The following ZNF407 variants were observed in gnomAD, a reference collection of about 807,000 sequenced individuals.
ZNF407 encodes the protein zinc finger protein 407.
In ZNF407, 17 loss-of-function variants were observed where a neutral mutation model predicts 131.2. The observed-to-expected ratio is 0.13, with a 90% CI of 0.09 to 0.19. The LOEUF is 0.19. ZNF407 is among the 10% of genes least tolerant of loss of function. The pLI is 1.00. For synonymous variants in ZNF407, 1,156 were observed against 1,062.0 expected, an observed-to-expected ratio of 1.09 and a Z score of -1.72; for missense variants, 2,681 against 2,830.6, an observed-to-expected ratio of 0.95 and a Z score of 1.20.
intron 4 of ZNF407, among the ~76,000 whole-genome samples, chr18:74,806,191 T>C (rs1001200662): frequency 1.3e-5 from 2 of 152,250 alleles, no homozygotes; most frequent in Admixed American, 6.5e-5. Context: ...CTGCTGTGAC[T>C]GCAGGCCCAC....
At chr18:74,891,544 T>A (rs1180642778) in intron 7 of ZNF407, among the ~76,000 whole-genome samples, 2 of 152,234 alleles carry the variant, frequency 1.3e-5, no homozygotes, top group Admixed American at 1.3e-4. Flanking sequence ...ATTACAGATA[T>A]ATTTCATTCA....
chr18:75,014,239 A>ACTTT (rs1219023879), intron 8 of ZNF407, among the ~76,000 whole-genome samples: 1 of 152,134 alleles, frequency 6.6e-6, no homozygotes, highest in East Asian at 1.9e-4. Flanking sequence ...AGAAATTAAA[A>ACTTT]CTTTCATGTA....
chr18:74,919,581 G>A (rs1971818790), intron 7 of ZNF407, among the ~76,000 whole-genome samples: 1 of 152,184 alleles, frequency 6.6e-6, no homozygotes, highest in Admixed American at 6.5e-5. Context: ...TCTGTAGGAA[G>A]TCTGAGGCCA....
Position 75,064,349 on chromosome 18 carries a change from G to A in ZNF407, c.6628G>A (p.Ala2210Thr). The change falls in exon 9 of 9, where the codon GCC becomes ACC. Residue 2210 changes from alanine (A) to threonine (T), a missense_variant. This residue lies in a region of ZNF407 where 620 missense variants were observed against 583.1 expected (regional missense o/e 1.06). Coordinates refer to ENST00000299687, the MANE Select transcript of ZNF407 (RefSeq NM_017757.3). ...LQAGATLGTE[A>T]GAPSRAEQLA... The stretch of plus-strand genomic sequence containing the variant: ...GGCCGGGGCCACGCTAGGCACAGAG[G>A]CCGGGGCCCCAAGCAGGGCAGAGCA... 1 of 1,588,968 alleles carries A rather than the reference G, an allele frequency of 6.3e-7. No homozygotes were observed. The highest frequency in any genetic ancestry group is 8.6e-7 in the Non-Finnish European group (1 of 1,168,594).
chr18:74,738,916 CTG>C, intron 3 of ZNF407, among the ~76,000 whole-genome samples: 1 of 151,942 alleles, frequency 6.6e-6, no homozygotes, highest in Non-Finnish European at 1.5e-5. Context: ...ATAAACTTTT[CTG>C]AAGTAAAGAA....
At chr18:74,685,819 C>T (rs1280699785) in intron 3 of ZNF407, among the ~76,000 whole-genome samples, 1 of 152,174 alleles carries the variant, frequency 6.6e-6, no homozygotes, top group Non-Finnish European at 1.5e-5. Flanking sequence ...ACTCTGTTGC[C>T]CCCATCTCAG....
At chr18:74,949,640 T>G (rs1019737198) in intron 8 of ZNF407, among the ~76,000 whole-genome samples, 12 of 152,300 alleles carry the variant, frequency 7.9e-5, no homozygotes, top group South Asian at 4.1e-4. Flanking sequence ...GTTTCTGAAT[T>G]CCCAGGTTAA....
intron 7 of ZNF407, among the ~76,000 whole-genome samples, chr18:74,892,641 A>G (rs2145198997): frequency 6.6e-6 from 1 of 152,290 alleles, no homozygotes; most frequent in South Asian, 2.1e-4. Context: ...TGCTTTTCTT[A>G]AAAAACAGTT....
intron 6 of ZNF407, among the ~76,000 whole-genome samples, chr18:74,885,111 T>C (rs1326452600): frequency 1.3e-5 from 2 of 152,150 alleles, no homozygotes; most frequent in African/African-American, 4.8e-5. Context: ...ACTTATTATA[T>C]TGAAAGTATA....
chr18:74,817,683 G>A (rs1241290793), intron 4 of ZNF407, among the ~76,000 whole-genome samples: 1 of 151,960 alleles, frequency 6.6e-6, no homozygotes, highest in African/African-American at 2.4e-5. Flanking sequence ...ATTTATTAAG[G>A]CTTGTATATG....
At position 75,064,094 on chromosome 18, in the gene ZNF407, A is replaced by G. The variant is rs1184536984; in HGVS notation, c.6373A>G (p.Met2125Val). Residue 2125 changes from methionine (M) to valine (V), a missense_variant, in exon 9 of 9, where the codon ATG (methionine) becomes GTG (valine). Physicochemically the swap from Met to Val is conservative, Grantham distance 21. Around this residue, in one of 6 missense-constraint regions of ZNF407, gnomAD observed 620 missense variants for 583.1 expected, o/e 1.06. Transcript: ENST00000299687. ...CGCCGGGGAGGGTGCCCAGATCATC[A>G]TGCAGGAGGCGCAGGGCGAGCACAT... ...MVAGEGAQII[M>V]QEAQGEHMDL... 2 of 1,591,734 alleles carry G rather than the reference A, an allele frequency of 1.3e-6. No homozygotes were observed. The highest frequency in any genetic ancestry group is 1.8e-5 in the Admixed American group (1 of 56,490).
intron 4 of ZNF407, among the ~76,000 whole-genome samples, chr18:74,857,789 T>A (rs1970879500): frequency 6.6e-6 from 1 of 152,106 alleles, no homozygotes; most frequent in Admixed American, 6.5e-5. Context: ...TTGATTATAT[T>A]TGGTTATATT....
intron 4 of ZNF407, among the ~76,000 whole-genome samples, chr18:74,806,476 C>G (rs1008980231): frequency 2.6e-5 from 4 of 152,156 alleles, no homozygotes; most frequent in African/African-American, 9.7e-5. Flanking sequence ...CCCTAAGTAG[C>G]TTTATTTCCA....
At chr18:74,618,009 C>T (rs907642087) in intron 1 of ZNF407, among the ~76,000 whole-genome samples, 14 of 152,174 alleles carry the variant, frequency 9.2e-5, no homozygotes, top group Non-Finnish European at 1.5e-4. Flanking sequence ...CTCCCCACTC[C>T]TCTCTCCGTC....
At chr18:75,024,164 T>C (rs973922161) in intron 8 of ZNF407, among the ~76,000 whole-genome samples, 3 of 152,236 alleles carry the variant, frequency 2.0e-5, no homozygotes, top group African/African-American at 4.8e-5. Flanking sequence ...ATTTCAATTA[T>C]GTTTTCAAGA....
At chr18:75,035,822 A>G (rs1038794614) in intron 8 of ZNF407, among the ~76,000 whole-genome samples, 3 of 151,978 alleles carry the variant, frequency 2.0e-5, no homozygotes, top group Non-Finnish European at 4.4e-5. Context: ...ATTAGCTGAG[A>G]TATCTTGTGA....
At chr18:75,043,561 T>A (rs1314171808) in intron 8 of ZNF407, among the ~76,000 whole-genome samples, 2 of 152,172 alleles carry the variant, frequency 1.3e-5, no homozygotes, top group Non-Finnish European at 2.9e-5. Context: ...GCACCAACCC[T>A]CTGGTTTCTG....
At chr18:74,829,573 T>G (rs1017435261) in intron 4 of ZNF407, among the ~76,000 whole-genome samples, 2 of 152,168 alleles carry the variant, frequency 1.3e-5, no homozygotes, top group Admixed American at 1.3e-4. Flanking sequence ...GTGTTTTGAG[T>G]ACAGGCTTTG....
At position 74,635,584 on chromosome 18, in the gene ZNF407, A is replaced by G; in HGVS notation, c.4565A>G (p.Glu1522Gly). 1 of 1,614,012 alleles carries G rather than the reference A, an allele frequency of 6.2e-7. No individual in the cohort carries two copies. The highest frequency in any genetic ancestry group is 1.3e-5 in the African/African-American group (1 of 75,056). The change falls in exon 2 of 9, where the codon GAA (glutamate) becomes GGA (glycine). Residue 1522 changes from glutamate (E) to glycine (G), a missense_variant. By Grantham distance (98) the Glu-to-Gly change is moderately conservative. Transcript: ENST00000299687. This position sits in a 1 kb window ranked among gnomAD's most constrained non-coding sequence, Gnocchi z 4.7. ...CGGGAGGTGAATAAGTATATAGTGG[A>G]AGACACTGAGCAAATCAACCGCGAG... is the stretch of plus-strand genomic sequence containing the variant. ...LLREVNKYIV[E>G]DTEQINRERE...
Sources: gnomAD v4.1 joint callset for allele counts (sites outside exome capture counted in the v4.1 genomes callset) on GRCh38, gnomAD v4.1.1 for gene constraint, gnomAD v4.1.1 regional missense constraint, Gnocchi (gnomAD v3.1) non-coding constraint, MANE v1.5 for transcripts, NCBI Gene and HGNC (gene_info 2026-07-23, HGNC 2026-07-21) for gene names.